The following KIF6 variants were observed in gnomAD, a reference collection of about 807,000 sequenced individuals.
KIF6 encodes the protein kinesin-like protein KIF6.
In KIF6, 106 loss-of-function variants were observed where a neutral mutation model predicts 112.7. The observed-to-expected ratio is 0.94, with a 90% confidence interval of 0.80 to 1.11. The LOEUF (loss-of-function observed/expected upper bound fraction) is 1.11, where lower values mean the gene tolerates loss of function less well. KIF6 is among the 50% of genes least tolerant of loss of function. The pLI is 0.00. For synonymous variants in KIF6, 339 were observed against 339.9 expected, an observed-to-expected ratio of 1.00 and a Z score of 0.03; for missense variants, 929 against 964.0, an observed-to-expected ratio of 0.96 and a Z score of 0.48.
chr6:39,455,454 G>T (rs1263478762), intron 13 of KIF6, among the ~76,000 whole-genome samples: 3 of 151,868 alleles, frequency 2.0e-5, no homozygotes, highest in Non-Finnish European at 4.4e-5. Flanking sequence ...ACTCTAAAAC[G>T]CAGAGTGCCT....
chr6:39,603,151 G>A (rs1782669603), intron 6 of KIF6, among the ~76,000 whole-genome samples: 1 of 152,150 alleles, frequency 6.6e-6, no homozygotes, highest in South Asian at 2.1e-4. Context: ...TTGGCGTCCT[G>A]CTCATTTTGT....
Position 39,614,043 on chromosome 6 carries a change from G to A in KIF6, c.510-725C>T, listed in dbSNP as rs118127891. On this transcript the variant is annotated intron_variant, in intron 5 of 22. Transcript: ENST00000287152. The stretch of plus-strand genomic sequence containing the variant: ...TAATGGGCATCCTGATGCCAACACC[G>A]TTTCCTCCCAGGTGAATCCTAACCC... 6.1e-4 allele frequency among the ~76,000 whole-genome samples: 93 copies of A among 152,114 alleles called. 2 individuals are homozygous for A. In the East Asian group the frequency reaches 0.016, roughly 26 times the overall value.
intron 3 of KIF6, among the ~76,000 whole-genome samples, chr6:39,714,137 T>G (rs1789700707): frequency 1.3e-5 from 2 of 152,220 alleles, no homozygotes; most frequent in Non-Finnish European, 2.9e-5. Context: ...ATTGGCATTC[T>G]GATTTATTTG....
At chr6:39,561,116 A>G (rs1779984914) in intron 10 of KIF6, among the ~76,000 whole-genome samples, 1 of 152,230 alleles carries the variant, frequency 6.6e-6, no homozygotes, top group Non-Finnish European at 1.5e-5. Flanking sequence ...GGCCAGTATG[A>G]GTGCACAGCA....
In KIF6 at chr6:39,396,405, A is replaced by G. The variant is rs146499463; in HGVS notation, c.1811-10733T>C. ...CTCAGGAAAACCATCCAAGGGAGCC[A>G]ACGGGGGCCGAGCCCAGCAGGTGCA... is the stretch of plus-strand genomic sequence containing the variant. On this transcript the variant is annotated intron_variant, in intron 15 of 22. Coordinates refer to ENST00000287152, the MANE Select transcript of KIF6 (RefSeq NM_145027.6). Among the ~76,000 whole-genome samples, 305 of 152,324 alleles carry G rather than the reference A, an allele frequency of 2.0e-3. 3 individuals carry two copies. Among genetic ancestry groups the G allele is most frequent in the Admixed American group, 2.4e-3 (37 of 15,304 alleles).
At chr6:39,511,223 T>C (rs1462784429) in intron 13 of KIF6, among the ~76,000 whole-genome samples, 3 of 152,096 alleles carry the variant, frequency 2.0e-5, no homozygotes, top group Non-Finnish European at 4.4e-5. Context: ...ATCCAGAATC[T>C]ACAAAGATCT....
rs72860026 is a variant in KIF6 at position 39,369,265 on chromosome 6, G to C, written c.1862-6747C>G. ...GCTCAGTGCTGCCATCCATCCTGGT[G>C]CTGATTTTGTAACACCTTAGCGGAC... On this transcript the variant is annotated intron_variant, in intron 16 of 22. Transcript: ENST00000287152. Among the ~76,000 whole-genome samples, 76 of 152,202 alleles carry C rather than the reference G, an allele frequency of 5.0e-4. 1 individual carries two copies. Among genetic ancestry groups the C allele is most frequent in the Non-Finnish European group, 8.4e-4 (57 of 68,008 alleles).
intron 10 of KIF6, among the ~76,000 whole-genome samples, chr6:39,553,573 A>C (rs143191431): frequency 1.3e-5 from 2 of 152,350 alleles, no homozygotes; most frequent in African/African-American, 4.8e-5. Context: ...TTTTAAATAA[A>C]CTAAGACAAC....
rs1204655821 is a variant in KIF6 at position 39,720,715 on chromosome 6, T to A, written c.163A>T (p.Ser55Cys). 1 of 1,578,664 alleles carries A rather than the reference T, an allele frequency of 6.3e-7. No individual in the cohort carries two copies. Among genetic ancestry groups the A allele is most frequent in the East Asian group, 2.2e-5 (1 of 44,660 alleles). The change falls in exon 2 of 23, where the codon AGC becomes TGC. Residue 55 changes from serine (S) to cysteine (C), a missense_variant. Physicochemically the swap from Ser to Cys is moderately radical, Grantham distance 112. Transcript: ENST00000287152. ...ADGFVNNKRE[S>C]YKFKFQRIFD... The stretch of plus-strand genomic sequence containing the variant: ...AGAAAAACTTACTTAAATTTGTAGC[T>A]TTCTCGCTTATTATTCACAAACCCA...
At chr6:39,556,001 T>G (rs2150586937) in intron 10 of KIF6, among the ~76,000 whole-genome samples, 1 of 151,342 alleles carries the variant, frequency 6.6e-6, no homozygotes, top group East Asian at 1.9e-4. Flanking sequence ...GAATGGATTC[T>G]TACATAAAGA....
chr6:39,424,066 G>C (rs960146633), intron 14 of KIF6, among the ~76,000 whole-genome samples: 1 of 152,148 alleles, frequency 6.6e-6, no homozygotes, highest in Non-Finnish European at 1.5e-5. Context: ...GACTCTTCAC[G>C]CTCTGGCTCC....
intron 3 of KIF6, among the ~76,000 whole-genome samples, chr6:39,642,340 T>C (rs1234077136): frequency 1.3e-5 from 2 of 152,194 alleles, no homozygotes; most frequent in Non-Finnish European, 2.9e-5. Context: ...AGCTTTGTGG[T>C]ATTTTAACTT....
intron 13 of KIF6, among the ~76,000 whole-genome samples, chr6:39,505,114 A>G (rs1031141034): frequency 3.9e-5 from 6 of 152,354 alleles, no homozygotes; most frequent in South Asian, 2.1e-4. Context: ...ACAAGGCTAC[A>G]GTAACCAAAA....
chr6:39,618,646 T>G (rs1397086997), intron 5 of KIF6, among the ~76,000 whole-genome samples: 1 of 152,176 alleles, frequency 6.6e-6, no homozygotes, highest in African/African-American at 2.4e-5. Flanking sequence ...TCACAAAATC[T>G]AATTAAAAGG....
chr6:39,549,961 TGAGGGAAGG>T (rs1268173244), intron 10 of KIF6, among the ~76,000 whole-genome samples: 3 of 151,826 alleles, frequency 2.0e-5, no homozygotes, highest in African/African-American at 7.3e-5. Flanking sequence ...AGGAAAGGCA[TGAGGGAAGG>T]GAGAGAGGGA....
intron 5 of KIF6, among the ~76,000 whole-genome samples, chr6:39,631,705 G>GT (rs370778695): frequency 0.052 from 7,520 of 143,592 alleles, 215 homozygotes; most frequent in African/African-American, 0.059. Context: ...TCAGTCTGTA[G>GT]TTTTTTTTTT....
At chr6:39,436,363 T>C (rs1462762159) in intron 13 of KIF6, among the ~76,000 whole-genome samples, 1 of 152,176 alleles carries the variant, frequency 6.6e-6, no homozygotes, top group Non-Finnish European at 1.5e-5. Context: ...AGCTTTTTAG[T>C]TTAATTAGGT....
chr6:39,626,456 T>C (rs1415908449), intron 5 of KIF6, among the ~76,000 whole-genome samples: 1 of 152,148 alleles, frequency 6.6e-6, no homozygotes, highest in East Asian at 1.9e-4. Flanking sequence ...CCAGCTCTGA[T>C]GTTTAATGGA....
chr6:39,639,569 A>C, intron 4 of KIF6, 41 bp downstream of exon 4: 2 of 1,471,858 alleles, frequency 1.4e-6, no homozygotes, highest in East Asian at 2.4e-5. Context: ...TTTTTGCTGA[A>C]TATATCAAAT....
Sources: gnomAD v4.1 joint callset for allele counts (sites outside exome capture counted in the v4.1 genomes callset) on GRCh38, gnomAD v4.1.1 for gene constraint, MANE v1.5 for transcripts, NCBI Gene and HGNC (gene_info 2026-07-23, HGNC 2026-07-21) for gene names.